The following DMD variants were observed in gnomAD, a reference collection of about 807,000 sequenced individuals.
DMD encodes mutant dystrophin.
Under a neutral mutation model 330.1 loss-of-function variants are expected in DMD, and 63 were observed. That is an observed-to-expected ratio of 0.19 (90% CI 0.16 to 0.24). The LOEUF is 0.24. Ranked by LOEUF, DMD falls within the 10% of genes least tolerant of loss-of-function variation. The probability of loss-of-function intolerance (pLI) is 1.00; values close to 1 mark genes in which losing one functional copy is unlikely to be tolerated. For missense variants in DMD, 3,344 were observed against 2,684.1 expected (o/e 1.25, Z -5.43); for synonymous variants, 1,223 against 959.8 (o/e 1.27, Z -5.07).
At chrX:31,694,573 AT>A (rs1189323884) in intron 52 of DMD, among the ~76,000 whole-genome samples, 1 of 101,483 alleles carries the variant, frequency 9.9e-6, no homozygotes, top group African/African-American at 3.6e-5. Flanking sequence ...TAATAAAAAA[AT>A]GGGCAAATAT....
chrX:32,047,059 G>C (rs780758463), intron 44 of DMD, among the ~76,000 whole-genome samples: 3 of 111,396 alleles, frequency 2.7e-5, no homozygotes, highest in South Asian at 7.4e-4. Context: ...TTTCAAGCAG[G>C]AACCTTTCAG....
intron 1 of DMD, among the ~76,000 whole-genome samples, chrX:33,173,939 A>G (rs1308514627): frequency 9.2e-6 from 1 of 108,228 alleles, no homozygotes; most frequent in African/African-American, 3.4e-5. Flanking sequence ...ATGATAAATA[A>G]TAATTAACTC....
intron 1 of DMD, among the ~76,000 whole-genome samples, chrX:33,109,399 T>C (rs191086321): frequency 8.9e-6 from 1 of 112,087 alleles, no homozygotes; most frequent in East Asian, 2.8e-4. Context: ...TTCAGTCCGG[T>C]TTGTTTCTTC....
In DMD at chrX:31,836,307, C is replaced by T. The variant is rs146047896; in HGVS notation, c.7200+411G>A. 7.7e-3 allele frequency among the ~76,000 whole-genome samples: 862 copies of T among 112,272 alleles called. 6 individuals are homozygous for T. Among genetic ancestry groups the T allele is most frequent in the East Asian group, 0.025 (88 of 3,562 alleles). On this transcript the variant is annotated intron_variant, in intron 49 of 78. Coordinates refer to ENST00000357033, the MANE Select transcript of DMD (RefSeq NM_004006.3). ...AGAGCAACAAAGAAAAGAAAGGTCA[C>T]GGACCATATTGTGATTCTTTACAGC... is the stretch of plus-strand genomic sequence containing the variant.
intron 1 of DMD, among the ~76,000 whole-genome samples, chrX:33,293,669 G>A (rs2053545465): frequency 9.0e-6 from 1 of 111,235 alleles, no homozygotes; most frequent in Non-Finnish European, 1.9e-5. Flanking sequence ...CTCGATACCT[G>A]CCTCTAGGCT....
At chrX:32,758,111 T>C (rs2071748397) in intron 7 of DMD, among the ~76,000 whole-genome samples, 1 of 112,244 alleles carries the variant, frequency 8.9e-6, no homozygotes, top group African/African-American at 3.2e-5. Flanking sequence ...CTTTTCCTTC[T>C]TCCTTGTCTC....
At position 32,695,625 on chromosome X, in the gene DMD, G is replaced by A. The variant is rs150740030; in HGVS notation, c.960+2245C>T. ...GGTTTGAGATATTAGTGGATATCAA[G>A]GTATAGATACATACAAAGAGTTGAA... On this transcript the variant is annotated intron_variant, in intron 9 of 78. Transcript: ENST00000357033. Among the ~76,000 whole-genome samples, 391 of 111,023 alleles carry A rather than the reference G, an allele frequency of 3.5e-3. 3 individuals are homozygous for A. The highest frequency in any genetic ancestry group is 0.012 in the African/African-American group (360 of 30,532).
intron 67 of DMD, 158 bp from the exon 68 acceptor site, chrX:31,183,062 C>G (rs1200120141): frequency 4.3e-6 from 2 of 470,197 alleles, no homozygotes; most frequent in Non-Finnish European, 7.1e-6. Context: ...CAGCTTGTTT[C>G]TGCAAATGCT....
chrX:31,350,009 A>T (rs144938930), intron 60 of DMD, among the ~76,000 whole-genome samples: 10 of 111,329 alleles, frequency 9.0e-5, no homozygotes, highest in Non-Finnish European at 1.9e-4. Context: ...CTCTCCCTAG[A>T]CTTGCCCATT....
chrX:31,471,549 G>C (rs57929337), intron 59 of DMD, among the ~76,000 whole-genome samples: 9,358 of 111,747 alleles, frequency 0.084, 356 homozygotes, highest in East Asian at 0.2. Context: ...CCCACCTTCT[G>C]TGTTGATCTC....
intron 18 of DMD, among the ~76,000 whole-genome samples, chrX:32,515,350 G>A (rs1385739068): frequency 2.7e-5 from 3 of 111,160 alleles, no homozygotes; most frequent in East Asian, 2.8e-4. Context: ...GAAATTGGAA[G>A]CATTAACTGG....
intron 60 of DMD, among the ~76,000 whole-genome samples, chrX:31,351,297 T>C (rs2058398208): frequency 9.0e-6 from 1 of 110,852 alleles, no homozygotes; most frequent in Non-Finnish European, 1.9e-5. Context: ...ATGTGGAAAA[T>C]AATATAACTT....
intron 49 of DMD, among the ~76,000 whole-genome samples, chrX:31,822,653 G>GGGGTGTGTGTGTGTGTGT (rs58903799): frequency 7.7e-4 from 51 of 65,808 alleles, no homozygotes; most frequent in South Asian, 1.1e-3. Context: ...AAGGCAGAGG[G>GGGGTGTGTGTGTGTGTGT]GTGTGTGTGT....
At chrX:32,639,856 A>G (rs768622411) in intron 11 of DMD, among the ~76,000 whole-genome samples, 19 of 109,271 alleles carry the variant, frequency 1.7e-4, no homozygotes, top group Admixed American at 9.9e-5. Context: ...ACTCTTTGGG[A>G]AAAAAAAATG....
chrX:31,576,877 G>A (rs780287372), intron 55 of DMD, among the ~76,000 whole-genome samples: 3 of 109,853 alleles, frequency 2.7e-5, no homozygotes, highest in African/African-American at 9.9e-5. Flanking sequence ...CACCACGCCC[G>A]GCTAATTTTT....
intron 16 of DMD, among the ~76,000 whole-genome samples, chrX:32,557,227 C>G (rs1284461823): frequency 9.0e-6 from 1 of 111,671 alleles, no homozygotes; most frequent in Non-Finnish European, 1.9e-5. Flanking sequence ...TCATCCAACT[C>G]TTATCAGCTA....
intron 7 of DMD, among the ~76,000 whole-genome samples, chrX:32,736,886 T>C (rs1042869973): frequency 5.0e-4 from 55 of 110,139 alleles, no homozygotes; most frequent in Admixed American, 3.7e-3. Context: ...CTGCACAATG[T>C]GCACATGTAC....
At chrX:32,727,738 T>C (rs1301763327) in intron 7 of DMD, among the ~76,000 whole-genome samples, 1 of 110,516 alleles carries the variant, frequency 9.0e-6, no homozygotes, top group Admixed American at 9.7e-5. Context: ...TATACACACA[T>C]ATACATGTAT....
chrX:33,240,137 C>G (rs957568565), intron 1 of DMD, among the ~76,000 whole-genome samples: 7 of 111,177 alleles, frequency 6.3e-5, no homozygotes, highest in African/African-American at 2.3e-4. Context: ...CTATAGTCAC[C>G]ATATTGTACA....
Sources: gnomAD v4.1 joint callset for allele counts (sites outside exome capture counted in the v4.1 genomes callset) on GRCh38, gnomAD v4.1.1 for gene constraint, MANE v1.5 for transcripts, NCBI Gene and HGNC (gene_info 2026-07-23, HGNC 2026-07-21) for gene names.